The following DNAAF11 variants were observed in gnomAD, a reference collection of about 807,000 sequenced individuals.
DNAAF11 encodes leucine rich repeat containing 6.
Under a neutral mutation model 60.8 loss-of-function variants are expected in DNAAF11, and 45 were observed. The observed-to-expected ratio is 0.74, with a 90% CI of 0.58 to 0.95. The LOEUF is 0.95. DNAAF11 is among the 40% of genes least tolerant of loss of function. The probability of loss-of-function intolerance (pLI) is 0.00; values close to 1 mark genes in which losing one functional copy is unlikely to be tolerated. For missense variants in DNAAF11, 546 were observed against 546.2 expected, an observed-to-expected ratio of 1.00 and a Z score of 0.00; for synonymous variants, 191 against 183.5, an observed-to-expected ratio of 1.04 and a Z score of -0.33.
intron 1 of DNAAF11, among the ~76,000 whole-genome samples, chr8:132,667,256 C>T (rs1281003918): frequency 6.6e-6 from 1 of 152,202 alleles, no homozygotes. Flanking sequence ...TTGGGCAAAA[C>T]TGTTCATCTA....
intron 7 of DNAAF11, 22 bp downstream of exon 7, chr8:132,622,589 C>G: frequency 6.3e-7 from 1 of 1,593,620 alleles, no homozygotes. Flanking sequence ...GGGTCTTTAA[C>G]GCTCTATTTG....
chr8:132,639,786 C>T (rs890766090), intron 3 of DNAAF11, among the ~76,000 whole-genome samples: 1 of 152,006 alleles, frequency 6.6e-6, no homozygotes, highest in African/African-American at 2.4e-5. Context: ...TCCATTCATC[C>T]ACCCATATAG....
At chr8:132,674,687 G>A (rs1006584624) in intron 1 of DNAAF11, among the ~76,000 whole-genome samples, 4 of 152,140 alleles carry the variant, frequency 2.6e-5, no homozygotes, top group South Asian at 2.1e-4. Context: ...TCAGGAGTTC[G>A]AGACCAGCCT....
the DNAAF11 span, among the ~76,000 whole-genome samples, chr8:132,689,331 G>T: frequency 3.3e-5 from 5 of 151,972 alleles, no homozygotes; most frequent in Non-Finnish European, 5.9e-5. Context: ...GAGATGGGGG[G>T]AACTAGAGTT....
chr8:132,597,818 T>C (rs1006468974), intron 10 of DNAAF11, among the ~76,000 whole-genome samples: 2 of 152,212 alleles, frequency 1.3e-5, no homozygotes, highest in South Asian at 2.1e-4. Flanking sequence ...TTTCATTGTA[T>C]CTACTTTTGA....
intron 3 of DNAAF11, among the ~76,000 whole-genome samples, chr8:132,651,213 G>A (rs2130723934): frequency 6.6e-6 from 1 of 151,844 alleles, no homozygotes; most frequent in East Asian, 1.9e-4. Context: ...TTCCAGGTTA[G>A]GGTAAGGGAT....
At chr8:132,663,579 C>T (rs926673648) in intron 1 of DNAAF11, among the ~76,000 whole-genome samples, 2 of 152,136 alleles carry the variant, frequency 1.3e-5, no homozygotes, top group African/African-American at 2.4e-5. Context: ...CAATGACTAA[C>T]GGTATATCTG....
At chr8:132,697,003 T>A in the DNAAF11 span, among the ~76,000 whole-genome samples, 2 of 152,182 alleles carry the variant, frequency 1.3e-5, no homozygotes, top group African/African-American at 4.8e-5. Flanking sequence ...GACATGAGTT[T>A]ACCTATGTAA....
chr8:132,639,359 A>G (rs926614327), intron 3 of DNAAF11, among the ~76,000 whole-genome samples: 1 of 152,210 alleles, frequency 6.6e-6, no homozygotes, highest in East Asian at 1.9e-4. Context: ...AGCCTTCCCC[A>G]GCTAATACCC....
At chr8:132,634,598 G>A in intron 4 of DNAAF11, among the ~76,000 whole-genome samples, 1 of 150,922 alleles carries the variant, frequency 6.6e-6, no homozygotes, top group African/African-American at 2.4e-5. Flanking sequence ...GGAAATTTTT[G>A]GATAAATGAA....
chr8:132,655,293 A>G (rs768236366), intron 3 of DNAAF11, among the ~76,000 whole-genome samples: 5 of 152,126 alleles, frequency 3.3e-5, no homozygotes, highest in Non-Finnish European at 7.4e-5. Context: ...CCAGGACCAG[A>G]TGGCTTTCCT....
At chr8:132,650,026 C>T (rs1334269250) in intron 3 of DNAAF11, among the ~76,000 whole-genome samples, 1 of 152,070 alleles carries the variant, frequency 6.6e-6, no homozygotes, top group Non-Finnish European at 1.5e-5. Context: ...GGGTATATAC[C>T]CAAAGGATTA....
chr8:132,643,582 A>G, intron 3 of DNAAF11: 2 of 454,586 alleles, frequency 4.4e-6, no homozygotes, highest in South Asian at 3.1e-5. Context: ...TGTCAATGTC[A>G]TATGAAAATA....
At chr8:132,659,253 G>C (rs908292107) in intron 2 of DNAAF11, among the ~76,000 whole-genome samples, 2 of 152,194 alleles carry the variant, frequency 1.3e-5, no homozygotes, top group Non-Finnish European at 2.9e-5. Context: ...AAAGGCAATT[G>C]CTTCACAAAC....
chr8:132,695,314 C>T, the DNAAF11 span, among the ~76,000 whole-genome samples: 1 of 152,222 alleles, frequency 6.6e-6, no homozygotes, highest in East Asian at 1.9e-4. Context: ...TATTACAACA[C>T]GCTGGCATGC....
At chr8:132,612,497 T>A (rs761134386) in intron 8 of DNAAF11, among the ~76,000 whole-genome samples, 44 of 152,190 alleles carry the variant, frequency 2.9e-4, no homozygotes, top group Non-Finnish European at 5.3e-4. Context: ...CTTTCAATTA[T>A]CATTGCTCAC....
chr8:132,613,895 T>C (rs1377219140), intron 8 of DNAAF11, among the ~76,000 whole-genome samples: 1 of 152,246 alleles, frequency 6.6e-6, no homozygotes, highest in Non-Finnish European at 1.5e-5. Flanking sequence ...AGGCATTTAT[T>C]ATAATTCATG....
At chr8:132,597,848 T>A (rs961565528) in intron 10 of DNAAF11, among the ~76,000 whole-genome samples, 1 of 152,258 alleles carries the variant, frequency 6.6e-6, no homozygotes, top group South Asian at 2.1e-4. Flanking sequence ...ATTTTCTTAG[T>A]GGGGTTGGGG....
At chr8:132,632,081 T>C (rs1563653647) in intron 5 of DNAAF11, among the ~76,000 whole-genome samples, 1 of 151,968 alleles carries the variant, frequency 6.6e-6, no homozygotes, top group Non-Finnish European at 1.5e-5. Context: ...TTATTAAATC[T>C]AGGTGGTAGA....
Sources: allele counts gnomAD v4.1 joint callset (sites outside exome capture counted in the v4.1 genomes callset), GRCh38; gene constraint gnomAD v4.1.1; transcripts MANE v1.5; gene names NCBI Gene and HGNC (gene_info 2026-07-23, HGNC 2026-07-21).